The following CCDC85C variants were observed in gnomAD, a reference collection of about 807,000 sequenced individuals.
CCDC85C encodes coiled-coil domain containing 85C, also known as coiled-coil domain-containing protein 85C.
A neutral mutation model predicts 38.3 loss-of-function variants in CCDC85C; 18 were observed. That is an observed-to-expected ratio of 0.47 (90% CI 0.33 to 0.70). The LOEUF (loss-of-function observed/expected upper bound fraction) is 0.70, where lower values mean the gene tolerates loss of function less well. Ranked by LOEUF, CCDC85C falls within the 30% of genes least tolerant of loss-of-function variation. CCDC85C has a pLI of 0.03. For synonymous variants in CCDC85C, 264 were observed against 293.8 expected, an observed-to-expected ratio of 0.90 and a Z score of 1.04; for missense variants, 566 against 621.2, an observed-to-expected ratio of 0.91 and a Z score of 0.94.
Position 99,538,999 on chromosome 14 carries a change from GCCCCTGACAGA to G in CCDC85C, c.794-2922_794-2912del, listed in dbSNP as rs1455164416. Among the ~76,000 whole-genome samples, 4 of 152,338 alleles carry G rather than the reference GCCCCTGACAGA, an allele frequency of 2.6e-5. No homozygotes were observed. The East Asian group carries it at 7.7e-4, about 29-fold the overall frequency. On this transcript the variant is annotated intron_variant, in intron 1 of 5. Transcript: ENST00000380243. ...ACCCACGGCCCCAGACCAAGGGGCT[GCCCCTGACAGA>G]CCCATCTGTTGAGGTTTACCCCAAA...
intron 1 of CCDC85C, among the ~76,000 whole-genome samples, chr14:99,593,523 A>G (rs965530685): frequency 1.3e-5 from 2 of 152,210 alleles, no homozygotes; most frequent in South Asian, 4.1e-4. Flanking sequence ...GTAGGGGTGC[A>G]AGCCAGGGTG....
intron 3 of CCDC85C, among the ~76,000 whole-genome samples, chr14:99,521,242 G>C (rs947885047): frequency 2.6e-5 from 4 of 152,212 alleles, no homozygotes; most frequent in African/African-American, 9.6e-5. Context: ...ACGGGACTCC[G>C]GATAAATGCT....
At chr14:99,559,458 G>A (rs1238359497) in intron 1 of CCDC85C, among the ~76,000 whole-genome samples, 1 of 148,870 alleles carries the variant, frequency 6.7e-6, no homozygotes, top group East Asian at 2.0e-4. Context: ...TCACTGACGA[G>A]AGAAGGCTGA....
intron 1 of CCDC85C, among the ~76,000 whole-genome samples, chr14:99,570,806 C>T (rs572048689): frequency 1.1e-4 from 17 of 152,286 alleles, no homozygotes; most frequent in East Asian, 5.8e-4. Context: ...TACACACAAA[C>T]GGTGGGGCAT....
At position 99,503,018 on chromosome 14, in the gene CCDC85C, G is replaced by A; in HGVS notation, c.*12228C>T. ...GCTAAAGCAGGCCCTGGGTAGAGCAGGCTTTCCAGGTGGCGGCAACACCTG... is the reference window on the plus strand; with the variant it reads ...GCTAAAGCAGGCCCTGGGTAGAGCAAGCTTTCCAGGTGGCGGCAACACCTG... On this transcript the variant is annotated 3_prime_UTR_variant, in exon 6 of 6. Coordinates refer to ENST00000380243, the MANE Select transcript of CCDC85C (RefSeq NM_001144995.2). The A allele has an allele frequency of 1.2e-6, 2 of 1,612,438 alleles. No individual in the cohort carries two copies. Among genetic ancestry groups the A allele is most frequent in the Non-Finnish European group, 1.7e-6 (2 of 1,178,594 alleles).
chr14:99,559,490 T>C (rs201958942), intron 1 of CCDC85C, among the ~76,000 whole-genome samples: 12 of 55,534 alleles, frequency 2.2e-4, no homozygotes, highest in African/African-American at 3.2e-4. Flanking sequence ...ACACACTTCG[T>C]CACCCACCAC....
intron 5 of CCDC85C, among the ~76,000 whole-genome samples, chr14:99,515,857 G>A (rs1478158003): frequency 2.0e-5 from 3 of 152,040 alleles, no homozygotes; most frequent in East Asian, 1.9e-4. Flanking sequence ...AGAGGCCCGG[G>A]GGCCAGCACC....
chr14:99,518,457 A>G (rs1897258091), intron 3 of CCDC85C, among the ~76,000 whole-genome samples: 2 of 152,274 alleles, frequency 1.3e-5, no homozygotes, highest in African/African-American at 4.8e-5. Flanking sequence ...GACAATAGAA[A>G]GGGTCCTCTG....
intron 2 of CCDC85C, among the ~76,000 whole-genome samples, chr14:99,527,635 T>A (rs1897411724): frequency 6.6e-6 from 1 of 152,144 alleles, no homozygotes; most frequent in African/African-American, 2.4e-5. Flanking sequence ...GTGCCTGGCA[T>A]GGTGACTCAT....
chr14:99,590,474 C>T (rs560474333), intron 1 of CCDC85C, among the ~76,000 whole-genome samples: 5 of 152,254 alleles, frequency 3.3e-5, no homozygotes, highest in South Asian at 2.1e-4. Context: ...TCGGGGGTAC[C>T]GGGGGCCTCC....
At chr14:99,519,596 A>G (rs1427630301) in intron 3 of CCDC85C, among the ~76,000 whole-genome samples, 2 of 152,116 alleles carry the variant, frequency 1.3e-5, no homozygotes, top group Non-Finnish European at 2.9e-5. Context: ...TCCACAAAAT[A>G]CCTGTCGCCA....
intron 2 of CCDC85C, among the ~76,000 whole-genome samples, chr14:99,524,900 C>A (rs540607047): frequency 1.3e-5 from 2 of 152,262 alleles, no homozygotes; most frequent in Admixed American, 1.3e-4. Context: ...CCCTCAGGAC[C>A]CAGGGAGAAG....
intron 1 of CCDC85C, among the ~76,000 whole-genome samples, chr14:99,539,469 CAA>C (rs5810957): frequency 0.045 from 4,836 of 108,404 alleles, 232 homozygotes; most frequent in African/African-American, 0.16. Context: ...GACTCCATCT[CAA>C]AAAAAAAAAA....
chr14:99,545,664 T>G lies in CCDC85C; in HGVS notation c.794-9576A>C, dbSNP rs1270680823. The stretch of plus-strand genomic sequence containing the variant: ...TTGGGAATCAGTGATAGATCTGGAC[T>G]GTGTGCAGACATCAGCTAGTCCCGC... On this transcript the variant is annotated intron_variant, in intron 1 of 5. Transcript: ENST00000380243. The surrounding 1 kb of genome is among the most constrained non-coding windows in gnomAD (Gnocchi z 4.7). Among the ~76,000 whole-genome samples, 1 of 152,090 alleles carries G rather than the reference T, an allele frequency of 6.6e-6. No homozygotes were observed. The highest frequency in any genetic ancestry group is 2.4e-5 in the African/African-American group (1 of 41,414).
intron 1 of CCDC85C, among the ~76,000 whole-genome samples, chr14:99,542,127 G>A (rs560244595): frequency 1.6e-4 from 25 of 152,348 alleles, no homozygotes; most frequent in South Asian, 6.2e-4. Context: ...TGATACCACC[G>A]TTCAGCGCAG....
rs1385735105 is a variant in CCDC85C, at chr14:99,502,784, C to A, written c.*12462G>T. 2.5e-6 allele frequency: 4 copies of A among 1,613,744 alleles called. No homozygotes were observed. The highest frequency in any genetic ancestry group is 3.4e-6 in the Non-Finnish European group (4 of 1,179,820). On this transcript the variant is annotated 3_prime_UTR_variant, in exon 6 of 6. Coordinates refer to ENST00000380243, the MANE Select transcript of CCDC85C (RefSeq NM_001144995.2). ...ACAACAGATGCCTCATCACACCCCC[C>A]ATCAGCTGCAACAGCCCCCATCTCT...
At position 99,535,323 on chromosome 14, in the gene CCDC85C, G is replaced by A. The variant is rs1182978671; in HGVS notation, c.867+692C>T. Among the ~76,000 whole-genome samples the A allele has an allele frequency of 6.6e-6, 1 of 152,112 alleles. No individual in the cohort carries two copies. Among genetic ancestry groups the A allele is most frequent in the South Asian group, 2.1e-4 (1 of 4,832 alleles). ...GGCTCGGAGGCTTGGGGGAGCGAGC[G>A]GCTTGAGAGGTCGCCAAGCCAGCTG... On this transcript the variant is annotated intron_variant, in intron 2 of 5. Transcript: ENST00000380243. This position sits in a 1 kb window ranked among gnomAD's most constrained non-coding sequence, Gnocchi z 5.5.
chr14:99,540,162 G>T (rs548598379), intron 1 of CCDC85C, among the ~76,000 whole-genome samples: 1 of 148,634 alleles, frequency 6.7e-6, no homozygotes, highest in Admixed American at 6.7e-5. Flanking sequence ...AAAGGGGGGG[G>T]AACGGATTAA....
intron 1 of CCDC85C, among the ~76,000 whole-genome samples, chr14:99,581,225 C>T (rs1010406093): frequency 2.6e-4 from 40 of 152,334 alleles, no homozygotes; most frequent in Admixed American, 1.5e-3. Context: ...CATGCTCAAA[C>T]CACTGGGCTC....
Sources: gnomAD v4.1 joint callset for allele counts (sites outside exome capture counted in the v4.1 genomes callset) on GRCh38, gnomAD v4.1.1 for gene constraint, Gnocchi (gnomAD v3.1) non-coding constraint, MANE v1.5 for transcripts, NCBI Gene and HGNC (gene_info 2026-07-23, HGNC 2026-07-21) for gene names.